CTU2: variants seen among roughly 807,000 people sequenced by gnomAD.
CTU2 encodes cytoplasmic tRNA 2-thiolation protein 2.
A neutral mutation model predicts 64.1 loss-of-function variants in CTU2; 80 were observed. The ratio of observed to expected loss-of-function variants is 1.25; its 90% confidence interval spans 1.04 to 1.50. The LOEUF is 1.50. Among genes scored for constraint, CTU2 ranks in the 40% most tolerant of loss-of-function variants. The pLI is 0.00. For missense variants in CTU2, 1,110 were observed against 690.2 expected (o/e 1.61, Z -6.81); for synonymous variants, 482 against 285.3 (o/e 1.69, Z -6.95).
intron 10 of CTU2, 25 bp downstream of exon 10, chr16:88,714,252 G>T (rs371659918): frequency 6.3e-7 from 1 of 1,598,040 alleles, no homozygotes. Flanking sequence ...GGGTGTGTGC[G>T]GGGGGTGCGC....
intron 2 of CTU2, 90 bp from the exon 3 acceptor site, chr16:88,709,848 G>C (rs557852692): frequency 9.6e-7 from 1 of 1,044,934 alleles, no homozygotes; most frequent in African/African-American, 1.6e-5. Flanking sequence ...GATGGAGATT[G>C]GCAAAGGACG....
At chr16:88,707,258 C>A (rs1910945209) in intron 2 of CTU2, 48 bp downstream of exon 2, 2 of 1,544,372 alleles carry the variant, frequency 1.3e-6, no homozygotes, top group Non-Finnish European at 1.8e-6. Context: ...GCCTCGCTAG[C>A]AGACAGGATA....
chr16:88,711,733 T>C (rs769602142), intron 5 of CTU2, 38 bp downstream of exon 5: 6 of 1,577,256 alleles, frequency 3.8e-6, no homozygotes, highest in African/African-American at 2.7e-5. Flanking sequence ...CCCTGGCCAC[T>C]TGGGGTAAGC....
At chr16:88,714,958 C>T (rs1911812715) in intron 13 of CTU2, 32 bp downstream of exon 13, 1 of 1,603,272 alleles carries the variant, frequency 6.2e-7, no homozygotes, top group East Asian at 2.3e-5. Flanking sequence ...CTGGGCCGGG[C>T]TTGGGGACGC....
intron 4 of CTU2, among the ~76,000 whole-genome samples, chr16:88,711,120 A>G (rs12600041): frequency 0.8 from 121,433 of 152,068 alleles, 48,872 homozygotes; most frequent in African/African-American, 0.89. Flanking sequence ...GCATGGCACA[A>G]CACTGCTGAA....
rs866731006 is a variant in CTU2, at chr16:88,712,481, C to T, written c.453+98C>T. ...CTGGCCTCTCCCTCATCCCAGAAGG[C>T]GGGGCTGTCGGTGGGGGGTGGGAGG... is the stretch of plus-strand genomic sequence containing the variant. On this transcript the variant is annotated intron_variant, in intron 6 of 14. Transcript: ENST00000453996. The T allele has an allele frequency of 4.0e-5, 56 of 1,406,508 alleles. No individual in the cohort carries two copies. In the Middle Eastern group the frequency reaches 1.4e-3, roughly 36 times the overall value. 87.1% of individuals were successfully genotyped at this position (1,406,508 alleles called of 1,614,324 possible).
intron 5 of CTU2, 32 bp downstream of exon 5, chr16:88,711,727 G>A: frequency 6.3e-7 from 1 of 1,583,554 alleles, no homozygotes; most frequent in Non-Finnish European, 8.6e-7. Context: ...CCTAGTCCCT[G>A]GCCACTTGGG....
At chr16:88,714,308 T>G (rs1597433890) in intron 10 of CTU2, 75 bp from the exon 11 acceptor site, 2 of 1,591,712 alleles carry the variant, frequency 1.3e-6, no homozygotes, top group East Asian at 2.2e-5. Context: ...AGCTCACCAC[T>G]CGTGCTCAGG....
rs1911639798 is a variant in CTU2, at chr16:88,714,123, T to C, written c.1006-13T>C. Reference sequence around the variant, plus strand: ...CTGGGCTTTCCCATAGCCTCCAATCTGATTGTCCCTAGGCCCCTGAAAAGG... The same window carrying C: ...CTGGGCTTTCCCATAGCCTCCAATCCGATTGTCCCTAGGCCCCTGAAAAGG... On this transcript the variant is annotated splice_polypyrimidine_tract_variant and intron_variant, in intron 9 of 14. Transcript: ENST00000453996. 6.2e-7 allele frequency: 1 copy of C among 1,611,666 alleles called. No homozygotes were observed. Among genetic ancestry groups the C allele is most frequent in the Admixed American group, 1.7e-5 (1 of 59,992 alleles).
chr16:88,714,514 G>T (rs768751293), intron 11 of CTU2, 28 bp downstream of exon 11: 1 of 1,612,400 alleles, frequency 6.2e-7, no homozygotes, highest in Non-Finnish European at 8.5e-7. Flanking sequence ...TTGGGGTGAT[G>T]CGGGGAGGGA....
At position 88,713,300 on chromosome 16, in the gene CTU2, T is replaced by A. The variant is rs769879975; in HGVS notation, c.738-12T>A. 1.1e-5 allele frequency: 16 copies of A among 1,421,618 alleles called. No homozygotes were observed. The South Asian group carries it at 1.9e-4, about 17-fold the overall frequency. The allele number at this position is 1,421,618 out of a possible 1,614,324, so 88.1% of individuals were successfully genotyped here. The stretch of plus-strand genomic sequence containing the variant: ...TGCACCCCCCAGGCCCCTGAGACGC[T>A]CTGTGCTTTAGGACCCACCTGATCC... On this transcript the variant is annotated splice_polypyrimidine_tract_variant and intron_variant, in intron 7 of 14. Transcript: ENST00000453996.
At chr16:88,707,341 C>T (rs1045462287) in intron 2 of CTU2, 131 bp downstream of exon 2, 31 of 843,438 alleles carry the variant, frequency 3.7e-5, no homozygotes, top group Admixed American at 6.5e-5. Flanking sequence ...CTGATGGGGT[C>T]CCTCGTGCCC....
intron 5 of CTU2, chr16:88,712,003 T>G: frequency 1.6e-6 from 1 of 608,726 alleles, no homozygotes; most frequent in South Asian, 1.9e-5. Context: ...AAGGGCAAGT[T>G]AAGTGCTGAT....
At chr16:88,710,115 C>T (rs1350120148) in intron 3 of CTU2, 99 bp downstream of exon 3, 4 of 1,572,778 alleles carry the variant, frequency 2.5e-6, no homozygotes, top group East Asian at 4.5e-5. Flanking sequence ...AGCCCGCCAG[C>T]TCCTCCTTGG....
chr16:88,711,254 C>T (rs938872502), intron 4 of CTU2, among the ~76,000 whole-genome samples: 2 of 152,152 alleles, frequency 1.3e-5, no homozygotes, highest in Admixed American at 6.5e-5. Flanking sequence ...CTGCCTCTTG[C>T]AGGCTGTTGG....
chr16:88,713,615 G>T, intron 8 of CTU2, 32 bp from the exon 9 acceptor site: 1 of 1,604,424 alleles, frequency 6.2e-7, no homozygotes, highest in South Asian at 1.1e-5. Context: ...TTCGGGCCTT[G>T]ACCTGGACCA....
chr16:88,707,437 C>T (rs997317197), intron 2 of CTU2, among the ~76,000 whole-genome samples: 15 of 152,174 alleles, frequency 9.9e-5, no homozygotes, highest in Non-Finnish European at 1.9e-4. Context: ...GATGAGGTTT[C>T]TGATGGAACT....
At chr16:88,709,894 G>A (rs529948235) in intron 2 of CTU2, 44 bp from the exon 3 acceptor site, 2 of 1,558,044 alleles carry the variant, frequency 1.3e-6, no homozygotes, top group Non-Finnish European at 1.8e-6. Context: ...GCTGCTCACT[G>A]TGCGGGTAGC....
intron 2 of CTU2, among the ~76,000 whole-genome samples, chr16:88,708,012 C>T (rs905442043): frequency 1.4e-4 from 21 of 152,082 alleles, no homozygotes; most frequent in Non-Finnish European, 2.5e-4. Flanking sequence ...CAGGGTTTCA[C>T]CATGTTGGCC....
Sources: gnomAD v4.1 joint callset for allele counts (sites outside exome capture counted in the v4.1 genomes callset) on GRCh38, gnomAD v4.1.1 for gene constraint, MANE v1.5 for transcripts, NCBI Gene and HGNC (gene_info 2026-07-23, HGNC 2026-07-21) for gene names.